The following KIRREL3 variants were observed in gnomAD, a reference collection of about 807,000 sequenced individuals.
The protein encoded by KIRREL3 is kin of IRRE-like protein 3.
In KIRREL3, 36 loss-of-function variants were observed where a neutral mutation model predicts 89.7. The ratio of observed to expected loss-of-function variants is 0.40; its 90% CI spans 0.31 to 0.53. KIRREL3 has a LOEUF of 0.53. Among genes scored for constraint, KIRREL3 ranks in the 20% least tolerant of loss-of-function variants. The pLI, the probability that KIRREL3 is intolerant of heterozygous loss-of-function variation, is 0.49. For missense variants in KIRREL3, 864 were observed against 1,056.6 expected (o/e 0.82, Z 2.53); for synonymous variants, 445 against 441.4 (o/e 1.01, Z -0.10).
chr11:126,518,934 C>T (rs555194667), intron 4 of KIRREL3, among the ~76,000 whole-genome samples: 9 of 152,348 alleles, frequency 5.9e-5, no homozygotes, highest in African/African-American at 2.2e-4. Context: ...CACTGTCTTG[C>T]CTGGGGTTTT....
rs1950281377 is a variant in KIRREL3 at position 127,000,162 on chromosome 11, A to G, written c.55+293T>C. Among the ~76,000 whole-genome samples, 1 of 152,204 alleles carries G rather than the reference A, an allele frequency of 6.6e-6. No individual in the cohort carries two copies. The highest frequency in any genetic ancestry group is 2.4e-5 in the African/African-American group (1 of 41,446). ...AGAGATACTACCTAATTAACATACC[A>G]GAAGCATAAAGAACTCATTTGCATT... On this transcript the variant is annotated intron_variant, in intron 1 of 16. Coordinates refer to ENST00000525144, the MANE Select transcript of KIRREL3 (RefSeq NM_032531.4). This position sits in a 1 kb window ranked among gnomAD's most constrained non-coding sequence, Gnocchi z 7.1.
rs1009810987 is a variant in KIRREL3, at chr11:126,715,335, G to C, written c.56-152423C>G. ...CCAAAGATCTCAGTGCACAACCAGG[G>C]CTGGTCTGGGACAGTTGCTGTGCTT... is the stretch of plus-strand genomic sequence containing the variant. On this transcript the variant is annotated intron_variant, in intron 1 of 16. Transcript: ENST00000525144. This position sits in a 1 kb window ranked among gnomAD's most constrained non-coding sequence, Gnocchi z 4.4. 6.6e-6 allele frequency among the ~76,000 whole-genome samples: 1 copy of C among 152,164 alleles called. No individual in the cohort carries two copies. The highest frequency in any genetic ancestry group is 1.5e-5 in the Non-Finnish European group (1 of 68,024).
chr11:126,876,927 C>A lies in KIRREL3; in HGVS notation c.55+123528G>T, dbSNP rs1945311968. Among the ~76,000 whole-genome samples the A allele has an allele frequency of 6.6e-6, 1 of 152,132 alleles. No homozygotes were observed. Among genetic ancestry groups the A allele is most frequent in the Non-Finnish European group, 1.5e-5 (1 of 68,028 alleles). ...AACCCTTACAGTAGATTGCAGAAAC[C>A]TATAAGACAGACTATCACTGAACTC... On this transcript the variant is annotated intron_variant, in intron 1 of 16. Coordinates refer to ENST00000525144, the MANE Select transcript of KIRREL3 (RefSeq NM_032531.4). This position sits in a 1 kb window ranked among gnomAD's most constrained non-coding sequence, Gnocchi z 4.1.
intron 1 of KIRREL3, among the ~76,000 whole-genome samples, chr11:126,644,661 G>C (rs987886522): frequency 1.3e-5 from 2 of 152,218 alleles, no homozygotes; most frequent in Non-Finnish European, 2.9e-5. Context: ...GAAGAATAAA[G>C]AGATGGTACA....
intron 2 of KIRREL3, among the ~76,000 whole-genome samples, chr11:126,554,120 C>A (rs551093858): frequency 3.3e-5 from 5 of 152,180 alleles, no homozygotes; most frequent in African/African-American, 1.2e-4. Context: ...TTGAATTCCA[C>A]AGGCAGCATG....
chr11:126,641,672 A>G lies in KIRREL3; in HGVS notation c.56-78760T>C, dbSNP rs970586648. On this transcript the variant is annotated intron_variant, in intron 1 of 16. Transcript: ENST00000525144. This position sits in a 1 kb window ranked among gnomAD's most constrained non-coding sequence, Gnocchi z 5.0. Reference sequence around the variant, plus strand: ...CCACTGCACCCTTGCAGCTGACTCCATACCCCTATTACATAACACAAGTCT... The same window carrying G: ...CCACTGCACCCTTGCAGCTGACTCCGTACCCCTATTACATAACACAAGTCT... Among the ~76,000 whole-genome samples the G allele has an allele frequency of 1.3e-5, 2 of 152,042 alleles. No individual in the cohort carries two copies. Among genetic ancestry groups the G allele is most frequent in the African/African-American group, 4.8e-5 (2 of 41,388 alleles).
chr11:126,923,004 C>T (rs543206315), intron 1 of KIRREL3, among the ~76,000 whole-genome samples: 9 of 152,322 alleles, frequency 5.9e-5, no homozygotes, highest in African/African-American at 2.2e-4. Flanking sequence ...ACCAAGCATT[C>T]GTGCCCTGGC....
chr11:126,888,734 A>C (rs1945792747), intron 1 of KIRREL3, among the ~76,000 whole-genome samples: 2 of 152,152 alleles, frequency 1.3e-5, no homozygotes, highest in Admixed American at 6.5e-5. Flanking sequence ...CAATTCAATA[A>C]ACATTGCAGA....
intron 2 of KIRREL3, among the ~76,000 whole-genome samples, chr11:126,556,327 T>A (rs576523614): frequency 6.6e-6 from 1 of 151,276 alleles, no homozygotes; most frequent in East Asian, 2.0e-4. Flanking sequence ...TGGATATGAG[T>A]GTGAGGGAAA....
Position 126,755,137 on chromosome 11 carries a change from A to C in KIRREL3, c.56-192225T>G, listed in dbSNP as rs534447860. ...GTTTGTTTTAAATCTTGATTGGAAG[A>C]ATTATCCTGACAAGAAAATTAGTAG... On this transcript the variant is annotated intron_variant, in intron 1 of 16. Coordinates refer to ENST00000525144, the MANE Select transcript of KIRREL3 (RefSeq NM_032531.4). This position sits in a 1 kb window ranked among gnomAD's most constrained non-coding sequence, Gnocchi z 4.3. 2.0e-5 allele frequency among the ~76,000 whole-genome samples: 3 copies of C among 152,358 alleles called. No individual in the cohort carries two copies. In the South Asian group the frequency reaches 6.2e-4, roughly 32 times the overall value.
rs939895996 is a variant in KIRREL3, at chr11:126,561,613, G to A, written c.133+1222C>T. ...AGTCAGTAAAGGCAACTGACTAGCA[G>A]GACACAGAAAATGCGGCCCCCAACT... On this transcript the variant is annotated intron_variant, in intron 2 of 16. Transcript: ENST00000525144. This position sits in a 1 kb window ranked among gnomAD's most constrained non-coding sequence, Gnocchi z 4.5. Among the ~76,000 whole-genome samples, 1 of 152,196 alleles carries A rather than the reference G, an allele frequency of 6.6e-6. No individual in the cohort carries two copies. Among genetic ancestry groups the A allele is most frequent in the African/African-American group, 2.4e-5 (1 of 41,438 alleles).
chr11:126,989,027 C>T lies in KIRREL3; in HGVS notation c.55+11428G>A, dbSNP rs946289506. Reference sequence around the variant, plus strand: ...GGAAAAAGTGGCCAAATCAAGGGGTCGGGGGACAGCAGGGCCAAGGTCAAA... The same window carrying T: ...GGAAAAAGTGGCCAAATCAAGGGGTTGGGGGACAGCAGGGCCAAGGTCAAA... On this transcript the variant is annotated intron_variant, in intron 1 of 16. Transcript: ENST00000525144. This position sits in a 1 kb window ranked among gnomAD's most constrained non-coding sequence, Gnocchi z 6.2. Among the ~76,000 whole-genome samples, 1 of 152,164 alleles carries T rather than the reference C, an allele frequency of 6.6e-6. No homozygotes were observed. The highest frequency in any genetic ancestry group is 1.9e-4 in the East Asian group (1 of 5,178).
chr11:126,746,543 A>G (rs1049558084), intron 1 of KIRREL3, among the ~76,000 whole-genome samples: 4 of 152,018 alleles, frequency 2.6e-5, no homozygotes, highest in Non-Finnish European at 4.4e-5. Flanking sequence ...CAGACTCACA[A>G]TTTTCAAAAT....
intron 1 of KIRREL3, among the ~76,000 whole-genome samples, chr11:126,591,689 G>A (rs747378622): frequency 2.6e-5 from 4 of 152,156 alleles, no homozygotes; most frequent in Non-Finnish European, 5.9e-5. Flanking sequence ...ACTGGGTGAG[G>A]AACAGGAGCA....
Position 126,639,233 on chromosome 11 carries a change from C to A in KIRREL3, c.56-76321G>T, listed in dbSNP as rs754646519. Among the ~76,000 whole-genome samples, 2 of 152,054 alleles carry A rather than the reference C, an allele frequency of 1.3e-5. No individual in the cohort carries two copies. The highest frequency in any genetic ancestry group is 2.9e-5 in the Non-Finnish European group (2 of 68,012). ...TGCCTTCAAAGGCCACTGGCTCTGA[C>A]CTTTTGATAACATTTTAAAAAAAGA... On this transcript the variant is annotated intron_variant, in intron 1 of 16. Transcript: ENST00000525144. This position sits in a 1 kb window ranked among gnomAD's most constrained non-coding sequence, Gnocchi z 4.3.
intron 2 of KIRREL3, among the ~76,000 whole-genome samples, chr11:126,560,220 C>T (rs73635303): frequency 0.039 from 5,991 of 151,782 alleles, 301 homozygotes; most frequent in African/African-American, 0.12. Context: ...TTGTTGATTT[C>T]TGTTTGTATC....
rs1950137796 is a variant in KIRREL3 at position 126,994,995 on chromosome 11, T to A, written c.55+5460A>T. On this transcript the variant is annotated intron_variant, in intron 1 of 16. Coordinates refer to ENST00000525144, the MANE Select transcript of KIRREL3 (RefSeq NM_032531.4). The surrounding 1 kb of genome is among the most constrained non-coding windows in gnomAD (Gnocchi z 5.2). ...AAAGAAAATGACATGCAATGACGTA[T>A]GGAACAGTACTGTGTCTCGGTGCAG... 2.9e-6 allele frequency: 1 copy of A among 349,430 alleles called. No homozygotes were observed. The highest frequency in any genetic ancestry group is 2.2e-5 in the South Asian group (1 of 46,450). 21.6% of individuals were successfully genotyped at this position (349,430 alleles called of 1,614,324 possible). A position where few individuals can be genotyped will look rare whatever the true frequency, so the allele number is the denominator to read the frequency against.
In KIRREL3 at chr11:126,694,495, T is replaced by C. The variant is rs191886041; in HGVS notation, c.56-131583A>G. ...GAAGCAGGGCGAGCGTGGAGAATGA[T>C]TGCTCAGGCCTCCATCAGCTCCAGG... is the stretch of plus-strand genomic sequence containing the variant. On this transcript the variant is annotated intron_variant, in intron 1 of 16. Coordinates refer to ENST00000525144, the MANE Select transcript of KIRREL3 (RefSeq NM_032531.4). The surrounding 1 kb of genome is among the most constrained non-coding windows in gnomAD (Gnocchi z 4.4). Among the ~76,000 whole-genome samples the C allele has an allele frequency of 1.8e-4, 27 of 152,232 alleles. No individual in the cohort carries two copies. In the East Asian group the frequency reaches 4.3e-3, roughly 24 times the overall value.
intron 1 of KIRREL3, among the ~76,000 whole-genome samples, chr11:126,634,899 T>C (rs1377421330): frequency 6.6e-6 from 1 of 152,088 alleles, no homozygotes; most frequent in Non-Finnish European, 1.5e-5. Flanking sequence ...AGGGGACTGA[T>C]TGCACTAGGG....
Sources: gnomAD v4.1 joint callset for allele counts (sites outside exome capture counted in the v4.1 genomes callset) on GRCh38, gnomAD v4.1.1 for gene constraint, Gnocchi (gnomAD v3.1) non-coding constraint, MANE v1.5 for transcripts, NCBI Gene and HGNC (gene_info 2026-07-23, HGNC 2026-07-21) for gene names.